The following SORCS3 variants were observed in gnomAD, a reference collection of about 807,000 sequenced individuals.
SORCS3 encodes sortilin related VPS10 domain containing receptor 3, also known as VPS10 domain-containing receptor SorCS3.
A neutral mutation model predicts 146.3 loss-of-function variants in SORCS3; 57 were observed. The ratio of observed to expected loss-of-function variants is 0.39; its 90% confidence interval spans 0.31 to 0.49. SORCS3 has a LOEUF of 0.49. SORCS3 is among the 20% of genes least tolerant of loss of function. SORCS3 has a pLI of 0.92. For missense variants in SORCS3, 1,341 were observed against 1,575.5 expected, an observed-to-expected ratio of 0.85 and a Z score of 2.52; for synonymous variants, 653 against 618.5, an observed-to-expected ratio of 1.06 and a Z score of -0.83.
At chr10:104,971,129 T>C (rs1353803640) in intron 3 of SORCS3, among the ~76,000 whole-genome samples, 1 of 152,190 alleles carries the variant, frequency 6.6e-6, no homozygotes. Flanking sequence ...GCTAAGATGT[T>C]TTAAGGATTT....
intron 1 of SORCS3, among the ~76,000 whole-genome samples, chr10:104,710,594 T>A (rs935765501): frequency 1.3e-5 from 2 of 152,178 alleles, no homozygotes; most frequent in Non-Finnish European, 2.9e-5. Context: ...AAAGCCAGAA[T>A]GAAGTGACGA....
Position 105,201,636 on chromosome 10 carries a change from C to G in SORCS3, c.2261+383C>G, listed in dbSNP as rs1311883927. ...ACTCTCACTGTGCTCTTCTACGTGA[C>G]CTCTCTCTTGTTTCCTTTTTCTCCC... On this transcript the variant is annotated intron_variant, in intron 16 of 26. Coordinates refer to ENST00000369701, the MANE Select transcript of SORCS3 (RefSeq NM_014978.3). Among the ~76,000 whole-genome samples, 3 of 152,154 alleles carry G rather than the reference C, an allele frequency of 2.0e-5. No homozygotes were observed. In the East Asian group the frequency reaches 5.8e-4, roughly 29 times the overall value.
At chr10:104,761,447 A>C (rs2017121592) in intron 1 of SORCS3, among the ~76,000 whole-genome samples, 1 of 152,210 alleles carries the variant, frequency 6.6e-6, no homozygotes, top group African/African-American at 2.4e-5. Flanking sequence ...TTCTGAGTAC[A>C]GGAAGCATGC....
intron 16 of SORCS3, among the ~76,000 whole-genome samples, chr10:105,209,599 T>A (rs2056622421): frequency 6.6e-6 from 1 of 152,222 alleles, no homozygotes; most frequent in South Asian, 2.1e-4. Flanking sequence ...CACTTATAGT[T>A]ACCAACAGGT....
intron 4 of SORCS3, among the ~76,000 whole-genome samples, chr10:105,038,158 G>A (rs1032367639): frequency 6.6e-6 from 1 of 152,210 alleles, no homozygotes; most frequent in African/African-American, 2.4e-5. Context: ...ATGTCCAGGA[G>A]GGACATCTTT....
chr10:104,881,364 C>T (rs2018628338), intron 2 of SORCS3, among the ~76,000 whole-genome samples: 1 of 152,130 alleles, frequency 6.6e-6, no homozygotes, highest in Non-Finnish European at 1.5e-5. Context: ...AACTCTAGCT[C>T]AGTGCTTTGC....
intron 2 of SORCS3, among the ~76,000 whole-genome samples, chr10:104,893,836 C>T (rs1015337125): frequency 1.3e-5 from 2 of 152,152 alleles, no homozygotes; most frequent in Admixed American, 6.5e-5. Context: ...TCTGCTCTTC[C>T]GAGACTCTCC....
intron 25 of SORCS3, among the ~76,000 whole-genome samples, chr10:105,257,287 T>C (rs1414551077): frequency 6.6e-6 from 1 of 152,178 alleles, no homozygotes; most frequent in Admixed American, 6.5e-5. Context: ...ATTCAGGTGG[T>C]TAAATAGGGA....
At chr10:104,644,746 G>A (rs975719441) in intron 1 of SORCS3, among the ~76,000 whole-genome samples, 1 of 152,208 alleles carries the variant, frequency 6.6e-6, no homozygotes, top group Non-Finnish European at 1.5e-5. Flanking sequence ...GAGGCCACCA[G>A]TTTAATTTTT....
chr10:104,940,729 A>G (rs975945903), intron 3 of SORCS3, among the ~76,000 whole-genome samples: 4 of 152,140 alleles, frequency 2.6e-5, no homozygotes, highest in African/African-American at 7.2e-5. Flanking sequence ...TTTTCAATGA[A>G]ATAAAAGAGG....
intron 16 of SORCS3, among the ~76,000 whole-genome samples, chr10:105,202,031 C>A (rs1185903405): frequency 6.6e-6 from 1 of 152,096 alleles, no homozygotes; most frequent in Non-Finnish European, 1.5e-5. Context: ...GCAGTTTCTA[C>A]CCTCAAAACA....
At chr10:104,723,229 A>G (rs1165536762) in intron 1 of SORCS3, among the ~76,000 whole-genome samples, 3 of 152,104 alleles carry the variant, frequency 2.0e-5, no homozygotes, top group Non-Finnish European at 2.9e-5. Flanking sequence ...CCTTCATTTC[A>G]TTATGTACCC....
At chr10:105,079,637 T>A (rs1474446243) in intron 5 of SORCS3, among the ~76,000 whole-genome samples, 3 of 152,128 alleles carry the variant, frequency 2.0e-5, no homozygotes, top group African/African-American at 7.2e-5. Context: ...ACTCATGTCA[T>A]GGGGGTTTGA....
intron 6 of SORCS3, among the ~76,000 whole-genome samples, chr10:105,098,569 C>T (rs556500617): frequency 8.5e-5 from 13 of 152,218 alleles, no homozygotes; most frequent in South Asian, 8.3e-4. Flanking sequence ...ATTCTAGCTC[C>T]GTCACTTCCT....
intron 1 of SORCS3, among the ~76,000 whole-genome samples, chr10:104,777,667 C>A (rs2017325331): frequency 6.6e-6 from 1 of 152,182 alleles, no homozygotes; most frequent in South Asian, 2.1e-4. Flanking sequence ...ATGCACAGGA[C>A]AACCCTCACA....
At chr10:104,896,648 G>T (rs1028027170) in intron 2 of SORCS3, among the ~76,000 whole-genome samples, 5 of 152,212 alleles carry the variant, frequency 3.3e-5, no homozygotes, top group Non-Finnish European at 5.9e-5. Context: ...CCCACTTCTT[G>T]TTTATGTACT....
intron 1 of SORCS3, among the ~76,000 whole-genome samples, chr10:104,746,822 G>A (rs1483864608): frequency 1.3e-5 from 2 of 152,212 alleles, no homozygotes; most frequent in African/African-American, 4.8e-5. Context: ...TCAAGGATCA[G>A]TATATACTTT....
chr10:104,663,153 C>T (rs2015724364), intron 1 of SORCS3, among the ~76,000 whole-genome samples: 1 of 152,162 alleles, frequency 6.6e-6, no homozygotes, highest in South Asian at 2.1e-4. Flanking sequence ...GTGGAGTCCT[C>T]TCCATCATTA....
intron 1 of SORCS3, among the ~76,000 whole-genome samples, chr10:104,680,827 TG>T (rs1347278806): frequency 1.3e-5 from 2 of 152,224 alleles, no homozygotes; most frequent in Admixed American, 6.5e-5. Flanking sequence ...TGCGCCCTTG[TG>T]GAGAGTTCTG....
Sources: gnomAD v4.1 joint callset for allele counts (sites outside exome capture counted in the v4.1 genomes callset) on GRCh38, gnomAD v4.1.1 for gene constraint, MANE v1.5 for transcripts, NCBI Gene and HGNC (gene_info 2026-07-23, HGNC 2026-07-21) for gene names.